The following RASGRP3 variants were observed in gnomAD, a reference collection of about 807,000 sequenced individuals.
The protein encoded by RASGRP3 is RAS guanyl releasing protein 3.
Under a neutral mutation model 82.7 loss-of-function variants are expected in RASGRP3, and 54 were observed. That is an observed-to-expected ratio of 0.65 (90% CI 0.52 to 0.82). RASGRP3 has a LOEUF of 0.82. Among genes scored for constraint, RASGRP3 ranks in the 40% least tolerant of loss-of-function variants. The pLI is 0.00. For missense variants in RASGRP3, 861 were observed against 828.9 expected (o/e 1.04, Z -0.48); for synonymous variants, 309 against 300.5 (o/e 1.03, Z -0.29).
intron 1 of RASGRP3, among the ~76,000 whole-genome samples, chr2:33,495,273 G>T (rs112829108): frequency 3.3e-5 from 5 of 152,202 alleles, no homozygotes; most frequent in African/African-American, 1.2e-4. Flanking sequence ...GGGGCTGGGG[G>T]TTGGGAAGAT....
intron 13 of RASGRP3, among the ~76,000 whole-genome samples, chr2:33,545,200 T>C (rs4670680): frequency 0.14 from 21,335 of 152,254 alleles, 2,075 homozygotes; most frequent in Non-Finnish European, 0.18. Flanking sequence ...TCTCTACTTA[T>C]TGATATCTAT....
intron 1 of RASGRP3, among the ~76,000 whole-genome samples, chr2:33,505,273 T>A (rs1286091675): frequency 2.0e-5 from 3 of 151,598 alleles, no homozygotes; most frequent in Admixed American, 2.0e-4. Context: ...ACCAGGTACT[T>A]CCAGAGCATT....
At chr2:33,471,593 T>C (rs1667065079) in intron 2 of RASGRP3, among the ~76,000 whole-genome samples, 1 of 152,146 alleles carries the variant, frequency 6.6e-6, no homozygotes, top group Non-Finnish European at 1.5e-5. Context: ...ATGTTAGCTT[T>C]CTGTTACTTT....
At chr2:33,531,281 A>C (rs1673087276) in intron 10 of RASGRP3, among the ~76,000 whole-genome samples, 1 of 152,236 alleles carries the variant, frequency 6.6e-6, no homozygotes, top group East Asian at 1.9e-4. Context: ...GGCTCAAAAT[A>C]TGTTTGACAA....
chr2:33,513,640 C>G (rs1040376324), intron 2 of RASGRP3, among the ~76,000 whole-genome samples: 1 of 152,224 alleles, frequency 6.6e-6, no homozygotes, highest in African/African-American at 2.4e-5. Context: ...CAGCCTCCCT[C>G]CTGCTCCAAG....
At chr2:33,514,505 C>CAAAAA (rs3083005) in intron 2 of RASGRP3, among the ~76,000 whole-genome samples, 2,151 of 59,100 alleles carry the variant, frequency 0.036, 93 homozygotes, top group East Asian at 0.077. Flanking sequence ...CCCATCTCTA[C>CAAAAA]AAAAAAAAAA....
chr2:33,526,000 G>A (rs1284773789), intron 9 of RASGRP3, among the ~76,000 whole-genome samples: 1 of 152,126 alleles, frequency 6.6e-6, no homozygotes, highest in Non-Finnish European at 1.5e-5. Flanking sequence ...GCTGTATGTA[G>A]CAACCGAAAA....
chr2:33,527,231 T>C lies in RASGRP3; in HGVS notation c.902T>C (p.Ile301Thr), dbSNP rs1204080133. ...GACTGCGATGGCTTCAAAATCCCCA[T>C]CCTTGGAGTACACTTGAAAGACTTG... ...FADCDGFKIP[I>T]LGVHLKDLIA... Residue 301 changes from isoleucine to threonine, a missense_variant, in exon 10 of 18, where the codon ATC becomes ACC. Physicochemically the swap from Ile to Thr is moderately conservative, Grantham distance 89. Coordinates refer to ENST00000403687, the MANE Select transcript of RASGRP3 (RefSeq NM_001139488.2). The C allele has an allele frequency of 6.2e-7, 1 of 1,613,910 alleles. No homozygotes were observed. The highest frequency in any genetic ancestry group is 1.3e-5 in the African/African-American group (1 of 74,928).
chr2:33,442,455 G>T (rs1282260554), intron 1 of RASGRP3, among the ~76,000 whole-genome samples: 3 of 152,158 alleles, frequency 2.0e-5, no homozygotes, highest in Admixed American at 2.0e-4. Flanking sequence ...TTATAATCAG[G>T]AACAAAACCC....
intron 2 of RASGRP3, among the ~76,000 whole-genome samples, chr2:33,465,249 A>T (rs1666626781): frequency 6.6e-6 from 1 of 152,272 alleles, no homozygotes. Flanking sequence ...ACCAGCCACA[A>T]TATTCCCTTC....
At chr2:33,449,454 G>T (rs962753792) in intron 2 of RASGRP3, among the ~76,000 whole-genome samples, 1 of 152,108 alleles carries the variant, frequency 6.6e-6, no homozygotes, top group East Asian at 1.9e-4. Flanking sequence ...AATATTTCAT[G>T]ACATTGGAAT....
chr2:33,523,797 C>A, intron 7 of RASGRP3, 82 bp from the exon 8 acceptor site: 1 of 1,308,336 alleles, frequency 7.6e-7, no homozygotes, highest in Non-Finnish European at 1.0e-6. Flanking sequence ...AACAATATCT[C>A]ACCTTTTCTA....
intron 17 of RASGRP3, 127 bp downstream of exon 17, chr2:33,559,157 T>A (rs1034655964): frequency 1.3e-6 from 1 of 769,780 alleles, no homozygotes; most frequent in Non-Finnish European, 2.0e-6. Flanking sequence ...AATGAAGACA[T>A]GTATCACTTT....
chr2:33,546,769 A>T (rs1223920741), intron 13 of RASGRP3, among the ~76,000 whole-genome samples: 1 of 152,008 alleles, frequency 6.6e-6, no homozygotes, highest in Non-Finnish European at 1.5e-5. Context: ...TTATGCAGCC[A>T]TAAAAAAGAA....
intron 2 of RASGRP3, among the ~76,000 whole-genome samples, chr2:33,471,558 GTT>G (rs1219939977): frequency 6.8e-6 from 1 of 146,360 alleles, no homozygotes. Flanking sequence ...TGCTTTATCA[GTT>G]TTTTTTTTTA....
Position 33,555,581 on chromosome 2 carries a change from A to G in RASGRP3, c.1579+14A>G, listed in dbSNP as rs1222950892. 1.3e-6 allele frequency: 2 copies of G among 1,570,302 alleles called. No homozygotes were observed. Among genetic ancestry groups the G allele is most frequent in the Admixed American group, 1.7e-5 (1 of 57,274 alleles). On this transcript the variant is annotated intron_variant, in intron 15 of 17. Coordinates refer to ENST00000403687, the MANE Select transcript of RASGRP3 (RefSeq NM_001139488.2). ...ACAAATGCAAAGGTAAATCAATGTT[A>G]TTTTGTTACAATTTTTAAAATGTGA...
rs17013321 is a variant in RASGRP3, at chr2:33,553,457, T to C, written c.1543-2074T>C. The stretch of plus-strand genomic sequence containing the variant: ...TTCAAGAAATGTTAACTATCATCAT[T>C]ATTATTGCTATTATCATTACCAAGG... On this transcript the variant is annotated intron_variant, in intron 14 of 17. Transcript: ENST00000403687. Among the ~76,000 whole-genome samples the C allele has an allele frequency of 5.3e-3, 811 of 152,262 alleles. 6 individuals are homozygous for C. The highest frequency in any genetic ancestry group is 0.018 in the African/African-American group (768 of 41,528).
intron 2 of RASGRP3, among the ~76,000 whole-genome samples, chr2:33,449,295 T>C (rs1228860452): frequency 6.6e-6 from 1 of 152,236 alleles, no homozygotes; most frequent in Non-Finnish European, 1.5e-5. Flanking sequence ...TATGCATATA[T>C]GTTTTTTCTC....
intron 14 of RASGRP3, among the ~76,000 whole-genome samples, chr2:33,552,506 C>CGATTT (rs1478915880): frequency 6.6e-6 from 1 of 151,822 alleles, no homozygotes; most frequent in Non-Finnish European, 1.5e-5. Flanking sequence ...TTTATTGGTA[C>CGATTT]GATTTGATTT....
Sources: gnomAD v4.1 joint callset for allele counts (sites outside exome capture counted in the v4.1 genomes callset) on GRCh38, gnomAD v4.1.1 for gene constraint, MANE v1.5 for transcripts, NCBI Gene and HGNC (gene_info 2026-07-23, HGNC 2026-07-21) for gene names.